The following ANKRD13A variants were observed in gnomAD, a reference collection of about 807,000 sequenced individuals.
The protein encoded by ANKRD13A is ankyrin repeat domain 13A, also known as ankyrin repeat domain-containing protein 13A.
In ANKRD13A, 48 loss-of-function variants were observed where a neutral mutation model predicts 81.3. That is an observed-to-expected ratio of 0.59 (90% CI 0.47 to 0.75). The LOEUF (loss-of-function observed/expected upper bound fraction) is 0.75, where lower values mean the gene tolerates loss of function less well. Among genes scored for constraint, ANKRD13A ranks in the 30% least tolerant of loss-of-function variants. ANKRD13A has a pLI of 0.00. For missense variants in ANKRD13A, 612 were observed against 734.0 expected, an observed-to-expected ratio of 0.83 and a Z score of 1.92; for synonymous variants, 230 against 270.1, an observed-to-expected ratio of 0.85 and a Z score of 1.45.
At chr12:110,015,678 C>G (rs1890754935) in intron 3 of ANKRD13A, among the ~76,000 whole-genome samples, 1 of 152,068 alleles carries the variant, frequency 6.6e-6, no homozygotes, top group Admixed American at 6.5e-5. Context: ...TCCCCAGTAG[C>G]TAGGATTACA....
chr12:110,038,942 T>C lies in ANKRD13A; in HGVS notation c.*1388T>C, dbSNP rs758822760. On this transcript the variant is annotated 3_prime_UTR_variant, in exon 15 of 15. Transcript: ENST00000261739. ...CGTCTATTTCTTCTATTGTGCTTCTTTGGGGATAGGAAGAGAAACATAACT... is the reference window on the plus strand; with the variant it reads ...CGTCTATTTCTTCTATTGTGCTTCTCTGGGGATAGGAAGAGAAACATAACT... 1.6e-4 allele frequency: 25 copies of C among 152,236 alleles called. No homozygotes were observed. Among genetic ancestry groups the C allele is most frequent in the African/African-American group, 6.0e-4 (25 of 41,460 alleles). 9.4% of individuals were successfully genotyped at this position (152,236 alleles called of 1,614,324 possible). A position where few individuals can be genotyped will look rare whatever the true frequency, so the allele number is the denominator to read the frequency against.
chr12:110,000,560 C>G (rs1423329753), intron 1 of ANKRD13A, among the ~76,000 whole-genome samples: 2 of 152,060 alleles, frequency 1.3e-5, no homozygotes, highest in Non-Finnish European at 2.9e-5. Context: ...CACGACCCCC[C>G]GGGGACATTT....
intron 13 of ANKRD13A, among the ~76,000 whole-genome samples, chr12:110,035,847 C>G (rs1477853974): frequency 6.6e-6 from 1 of 152,042 alleles, no homozygotes; most frequent in Non-Finnish European, 1.5e-5. Flanking sequence ...GCCCTGGGGT[C>G]AAGGCTGCAG....
chr12:110,000,468 A>G (rs1026603541), intron 1 of ANKRD13A, among the ~76,000 whole-genome samples: 5 of 152,152 alleles, frequency 3.3e-5, no homozygotes, highest in Non-Finnish European at 5.9e-5. Flanking sequence ...TTCCTGTTCT[A>G]AAGTGCTTTG....
In ANKRD13A at chr12:110,025,812, A is replaced by AG; in HGVS notation, c.873dup (p.Arg292GlufsTer3). 6.2e-7 allele frequency: 1 copy of AG among 1,613,748 alleles called. No individual in the cohort carries two copies. The highest frequency in any genetic ancestry group is 8.5e-7 in the Non-Finnish European group (1 of 1,179,724). ...GAACATCTGACCGAGGAGGAAAAAAAGAGATATAAAGGTAATCACCACCAC... is the reference window on the plus strand; with the variant it reads ...GAACATCTGACCGAGGAGGAAAAAAAGGAGATATAAAGGTAATCACCACCAC... On this transcript the variant is annotated frameshift_variant, in exon 8 of 15. Transcript: ENST00000261739. LOFTEE classifies it high-confidence loss of function.
intron 9 of ANKRD13A, chr12:110,028,028 T>C (rs905591862): frequency 2.1e-6 from 1 of 467,226 alleles, no homozygotes; most frequent in African/African-American, 2.0e-5. Flanking sequence ...GGCCTCTTTA[T>C]AGAAATGGAA....
intron 1 of ANKRD13A, among the ~76,000 whole-genome samples, chr12:110,006,185 C>T (rs546209361): frequency 6.6e-6 from 1 of 152,274 alleles, no homozygotes; most frequent in East Asian, 1.9e-4. Flanking sequence ...AGAGGAATTG[C>T]TGGGTCATGT....
intron 6 of ANKRD13A, among the ~76,000 whole-genome samples, chr12:110,022,618 C>T (rs115696247): frequency 1.3e-3 from 198 of 152,284 alleles, no homozygotes; most frequent in African/African-American, 4.3e-3. Flanking sequence ...ATCTTTCCAT[C>T]CATCAGAAGA....
At chr12:110,016,672 A>T (rs1890820821) in intron 4 of ANKRD13A, among the ~76,000 whole-genome samples, 1 of 152,192 alleles carries the variant, frequency 6.6e-6, no homozygotes, top group Admixed American at 6.5e-5. Flanking sequence ...GCATTCATGA[A>T]GGTAGTATAT....
intron 4 of ANKRD13A, among the ~76,000 whole-genome samples, chr12:110,017,022 C>A (rs1407618535): frequency 6.6e-6 from 1 of 152,122 alleles, no homozygotes; most frequent in Non-Finnish European, 1.5e-5. Context: ...GATCCACCCA[C>A]CCTAGCCCCC....
intron 1 of ANKRD13A, among the ~76,000 whole-genome samples, chr12:110,011,290 G>A (rs1890510006): frequency 6.6e-6 from 1 of 152,186 alleles, no homozygotes; most frequent in Non-Finnish European, 1.5e-5. Context: ...GAGAGTGGCA[G>A]AATAGGAACG....
intron 3 of ANKRD13A, among the ~76,000 whole-genome samples, 173 bp downstream of exon 3, chr12:110,013,422 T>C (rs577156529): frequency 9.1e-4 from 138 of 152,220 alleles, no homozygotes; most frequent in Non-Finnish European, 1.7e-3. Flanking sequence ...GAAATGTGAG[T>C]TCTTTTACAA....
In ANKRD13A at chr12:110,010,413, A is replaced by G. The variant is rs527809999; in HGVS notation, c.97-1592A>G. On this transcript the variant is annotated intron_variant, in intron 1 of 14. Transcript: ENST00000261739. ...TTCTTTCCTGCTAAACTTCAACTGA[A>G]TTTATAGTTCATAAGTTCATCGTCT... Among the ~76,000 whole-genome samples, 11 of 152,348 alleles carry G rather than the reference A, an allele frequency of 7.2e-5. 1 individual carries two copies. The South Asian group carries it at 2.3e-3, about 32-fold the overall frequency.
Position 110,013,686 on chromosome 12 carries a change from G to A in ANKRD13A, c.354+437G>A, listed in dbSNP as rs984526945. Among the ~76,000 whole-genome samples the A allele has an allele frequency of 5.9e-5, 9 of 152,182 alleles. No individual in the cohort carries two copies. In the South Asian group the frequency reaches 1.0e-3, roughly 18 times the overall value. ...CTTGGGAGGCTGAGGTAGGATGATC[G>A]CTTGAACCCAGAAGGTTGAGGCTGC... On this transcript the variant is annotated intron_variant, in intron 3 of 14. Transcript: ENST00000261739.
At chr12:110,023,963 G>T (rs767698077) in intron 6 of ANKRD13A, 83 bp from the exon 7 acceptor site, 4 of 1,383,420 alleles carry the variant, frequency 2.9e-6, no homozygotes, top group South Asian at 1.3e-5. Context: ...AAGCTGGGGG[G>T]GAAAAAAACT....
chr12:110,035,646 T>A (rs1164918065), intron 13 of ANKRD13A, among the ~76,000 whole-genome samples: 1 of 151,962 alleles, frequency 6.6e-6, no homozygotes, highest in Non-Finnish European at 1.5e-5. Context: ...GACGGGGTTT[T>A]ACCATGTTGT....
At chr12:110,004,083 G>T (rs919359343) in intron 1 of ANKRD13A, among the ~76,000 whole-genome samples, 1 of 152,010 alleles carries the variant, frequency 6.6e-6, no homozygotes, top group African/African-American at 2.4e-5. Flanking sequence ...GCTTGAACCT[G>T]GGAGGCGGAG....
Position 110,036,231 on chromosome 12 carries a change from A to G in ANKRD13A, c.1510-30A>G. ...ATGGCACCAATTTCTCCTAAGACGT[A>G]TTCATGTCTATCACATTTGTCTTTG... is the stretch of plus-strand genomic sequence containing the variant. On this transcript the variant is annotated intron_variant, in intron 13 of 14. Transcript: ENST00000261739. The surrounding 1 kb of genome is among the most constrained non-coding windows in gnomAD (Gnocchi z 4.6). 6.2e-7 allele frequency: 1 copy of G among 1,605,976 alleles called. No homozygotes were observed. The highest frequency in any genetic ancestry group is 8.5e-7 in the Non-Finnish European group (1 of 1,172,784).
chr12:109,999,803 G>T lies in ANKRD13A; in HGVS notation c.96+19G>T. On this transcript the variant is annotated intron_variant, in intron 1 of 14. Transcript: ENST00000261739. The surrounding 1 kb of genome is among the most constrained non-coding windows in gnomAD (Gnocchi z 4.3). ...GGGCCAGGTGAGGGGCGGGGCGGGG[G>T]TCCGTCTCCCGGTGGGGACTTCGGG... 6.6e-7 allele frequency: 1 copy of T among 1,524,640 alleles called. No individual in the cohort carries two copies. The highest frequency in any genetic ancestry group is 1.2e-5 in the South Asian group (1 of 81,742). 94.4% of individuals were successfully genotyped at this position (1,524,640 alleles called of 1,614,324 possible). A position where few individuals can be genotyped will look rare whatever the true frequency, so the allele number is the denominator to read the frequency against.
Sources: gnomAD v4.1 joint callset for allele counts (sites outside exome capture counted in the v4.1 genomes callset) on GRCh38, gnomAD v4.1.1 for gene constraint, Gnocchi (gnomAD v3.1) non-coding constraint, MANE v1.5 for transcripts, NCBI Gene and HGNC (gene_info 2026-07-23, HGNC 2026-07-21) for gene names.